CNN3: variants seen among roughly 807,000 people sequenced by gnomAD.
CNN3 encodes the protein calponin-3.
Under a neutral mutation model 39.0 loss-of-function variants are expected in CNN3, and 11 were observed. That is an observed-to-expected ratio of 0.28 (90% CI 0.18 to 0.47). The LOEUF (loss-of-function observed/expected upper bound fraction) is 0.47, where lower values mean the gene tolerates loss of function less well. Among genes scored for constraint, CNN3 ranks in the 20% least tolerant of loss-of-function variants. The probability of loss-of-function intolerance (pLI) is 0.99; values close to 1 mark genes in which losing one functional copy is unlikely to be tolerated. For synonymous variants in CNN3, 101 were observed against 138.3 expected, an observed-to-expected ratio of 0.73 and a Z score of 1.89; for missense variants, 266 against 403.4, an observed-to-expected ratio of 0.66 and a Z score of 2.92.
chr1:94,898,525 T>C (rs1352642422), intron 6 of CNN3, among the ~76,000 whole-genome samples: 2 of 152,152 alleles, frequency 1.3e-5, no homozygotes, highest in Admixed American at 6.5e-5. Flanking sequence ...ATTTATAATA[T>C]ATTCAACAGA....
At chr1:94,917,489 C>G (rs1261277855) in intron 1 of CNN3, among the ~76,000 whole-genome samples, 3 of 152,174 alleles carry the variant, frequency 2.0e-5, no homozygotes, top group Admixed American at 2.0e-4. Flanking sequence ...AATAAAGAAA[C>G]TAAAACAAGT....
chr1:94,898,207 G>A (rs1557906331), intron 6 of CNN3, 124 bp from the exon 7 acceptor site: 2 of 1,027,328 alleles, frequency 1.9e-6, no homozygotes, highest in Non-Finnish European at 2.8e-6. Flanking sequence ...TTTGGTTCAG[G>A]GGTAAAGCTA....
chr1:94,920,365 G>A (rs1671412896), intron 1 of CNN3, among the ~76,000 whole-genome samples: 1 of 152,178 alleles, frequency 6.6e-6, no homozygotes. Flanking sequence ...ATCTCAGGCA[G>A]ATACAAACAG....
At position 94,897,329 on chromosome 1, in the gene CNN3, A is replaced by G. The variant is rs1670748520; in HGVS notation, c.*413T>C. The G allele has an allele frequency of 6.3e-6, 1 of 157,494 alleles. No homozygotes were observed. The allele number at this position is 157,494 out of a possible 1,614,324, so 9.8% of individuals were successfully genotyped here. A position where few individuals can be genotyped will look rare whatever the true frequency, so the allele number is the denominator to read the frequency against. ...GCAAAGACCACATTTAGCAATAAGC[A>G]TGAGTTTAGTCTTCCATGTAGAAAC... is the stretch of plus-strand genomic sequence containing the variant. On this transcript the variant is annotated 3_prime_UTR_variant, in exon 7 of 7. Transcript: ENST00000370206.
At chr1:94,912,778 C>G (rs765853867) in intron 1 of CNN3, among the ~76,000 whole-genome samples, 1 of 152,194 alleles carries the variant, frequency 6.6e-6, no homozygotes, top group Non-Finnish European at 1.5e-5. Context: ...TTATGGGCGT[C>G]ACATCTCCTT....
chr1:94,917,976 T>C (rs1290114090), intron 1 of CNN3, among the ~76,000 whole-genome samples: 1 of 152,168 alleles, frequency 6.6e-6, no homozygotes, highest in Non-Finnish European at 1.5e-5. Flanking sequence ...CATCATTGGA[T>C]GCTCCCCTAT....
Position 94,922,509 on chromosome 1 carries a change from G to A in CNN3, c.57+4329C>T, listed in dbSNP as rs1671472565. On this transcript the variant is annotated intron_variant, in intron 1 of 6. Coordinates refer to ENST00000370206, the MANE Select transcript of CNN3 (RefSeq NM_001839.5). The stretch of plus-strand genomic sequence containing the variant: ...AATAAGAGAGCTTTATCTCTGGTGG[G>A]AAGAGACAGATAATAAGCAAACAAA... 2.6e-5 allele frequency among the ~76,000 whole-genome samples: 4 copies of A among 152,290 alleles called. No individual in the cohort carries two copies. In the South Asian group the frequency reaches 8.3e-4, roughly 32 times the overall value.
In CNN3 at chr1:94,926,754, C is replaced by T; in HGVS notation, c.57+84G>A. The T allele has an allele frequency of 7.0e-7, 1 of 1,437,658 alleles. No individual in the cohort carries two copies. The highest frequency in any genetic ancestry group is 2.5e-5 in the East Asian group (1 of 40,430). 89.1% of individuals were successfully genotyped at this position (1,437,658 alleles called of 1,614,324 possible). A position where few individuals can be genotyped will look rare whatever the true frequency, so the allele number is the denominator to read the frequency against. ...TCCAGGAAAACGGTGAGCCACAGCG[C>T]GAAGAGCAAACGAAGCACGGCCCAG... On this transcript the variant is annotated intron_variant, in intron 1 of 6. Coordinates refer to ENST00000370206, the MANE Select transcript of CNN3 (RefSeq NM_001839.5). This position sits in a 1 kb window ranked among gnomAD's most constrained non-coding sequence, Gnocchi z 4.2.
chr1:94,897,872 C>G lies in CNN3; in HGVS notation c.860G>C (p.Gly287Ala). Residue 287 changes from glycine (G) to alanine (A), a missense_variant, in exon 7 of 7, where the codon GGA (glycine) becomes GCA (alanine). By Grantham distance (60) the Gly-to-Ala change is moderately conservative. Transcript: ENST00000370206. Reference sequence around the variant, plus strand: ...GATTTCCGAACCATTTGTTCCTGTTCCTTGGCTTCCGTTGTGAATGACAGG... The same window carrying G: ...GATTTCCGAACCATTTGTTCCTGTTGCTTGGCTTCCGTTGTGAATGACAGG... Reference protein sequence around the residue: ...TEPVIHNGSQGTGTNGSEISD... With the variant: ...TEPVIHNGSQATGTNGSEISD... 1 of 1,614,132 alleles carries G rather than the reference C, an allele frequency of 6.2e-7. No homozygotes were observed. The highest frequency in any genetic ancestry group is 8.5e-7 in the Non-Finnish European group (1 of 1,180,000).
In CNN3 at chr1:94,897,498, T is replaced by C. The variant is rs3789700; in HGVS notation, c.*244A>G. On this transcript the variant is annotated 3_prime_UTR_variant, in exon 7 of 7. Coordinates refer to ENST00000370206, the MANE Select transcript of CNN3 (RefSeq NM_001839.5). ...ACAAGAGTACTCCCCTTTCACAGTATTCCTTTTTACTTCATATGCGAGTTA... is the reference window on the plus strand; with the variant it reads ...ACAAGAGTACTCCCCTTTCACAGTACTCCTTTTTACTTCATATGCGAGTTA... 130 of 436,350 alleles carry C rather than the reference T, an allele frequency of 3.0e-4. No homozygotes were observed. In the East Asian group the frequency reaches 4.4e-3, roughly 15 times the overall value. 27.0% of individuals were successfully genotyped at this position (436,350 alleles called of 1,614,324 possible).
At position 94,902,141 on chromosome 1, in the gene CNN3, G is replaced by T; in HGVS notation, c.364C>A (p.Leu122Met). 4 of 1,613,226 alleles carry T rather than the reference G, an allele frequency of 2.5e-6. No homozygotes were observed. The highest frequency in any genetic ancestry group is 3.4e-6 in the Non-Finnish European group (4 of 1,179,154). The change falls in exon 4 of 7, where the codon CTG becomes ATG. Residue 122 changes from leucine (L) to methionine (M), a missense_variant. Physicochemically the swap from Leu to Met is conservative, Grantham distance 15. Transcript: ENST00000370206. Reference sequence around the variant, plus strand: ...CGTACCAGACCTGCTAGAGCCACCAGAGTAGTCTGAACCTGGGTCATGTTT... The same window carrying T: ...CGTACCAGACCTGCTAGAGCCACCATAGTAGTCTGAACCTGGGTCATGTTT... ...NGNMTQVQTT[L>M]VALAGLAKTK...
In CNN3 at chr1:94,912,462, G is replaced by A. The variant is rs538609251; in HGVS notation, c.58-8938C>T. On this transcript the variant is annotated intron_variant, in intron 1 of 6. Coordinates refer to ENST00000370206, the MANE Select transcript of CNN3 (RefSeq NM_001839.5). The stretch of plus-strand genomic sequence containing the variant: ...CTATTACTGGCTGAAGAGCCCGGCA[G>A]GCGCCCTCCTAGAGTGGACTCTTGG... Among the ~76,000 whole-genome samples, 4 of 152,286 alleles carry A rather than the reference G, an allele frequency of 2.6e-5. No homozygotes were observed. The South Asian group carries it at 6.2e-4, about 24-fold the overall frequency.
chr1:94,907,613 C>T (rs955197314), intron 1 of CNN3, among the ~76,000 whole-genome samples: 2 of 152,222 alleles, frequency 1.3e-5, no homozygotes, highest in African/African-American at 2.4e-5. Context: ...GTAATCCCAG[C>T]ATTCTGGGAG....
chr1:94,902,540 C>A (rs1670895611), intron 3 of CNN3, among the ~76,000 whole-genome samples: 1 of 152,174 alleles, frequency 6.6e-6, no homozygotes, highest in African/African-American at 2.4e-5. Flanking sequence ...TAAAAGGATT[C>A]TGTATCAGAG....
chr1:94,898,816 C>T (rs1670789504), intron 6 of CNN3, among the ~76,000 whole-genome samples: 1 of 152,074 alleles, frequency 6.6e-6, no homozygotes, highest in African/African-American at 2.4e-5. Context: ...TTTTTCAAAC[C>T]CTATCCCAGC....
chr1:94,898,640 C>G (rs1670784518), intron 6 of CNN3, among the ~76,000 whole-genome samples: 1 of 152,186 alleles, frequency 6.6e-6, no homozygotes, highest in Non-Finnish European at 1.5e-5. Context: ...AGTACAGTAA[C>G]TCATACTTCA....
At chr1:94,907,662 C>T (rs1165763434) in intron 1 of CNN3, among the ~76,000 whole-genome samples, 1 of 152,140 alleles carries the variant, frequency 6.6e-6, no homozygotes, top group South Asian at 2.1e-4. Flanking sequence ...AGATCAAGAC[C>T]ATCCTGGCTA....
At chr1:94,922,732 C>T (rs1055544698) in intron 1 of CNN3, among the ~76,000 whole-genome samples, 3 of 152,158 alleles carry the variant, frequency 2.0e-5, no homozygotes, top group Non-Finnish European at 4.4e-5. Flanking sequence ...GCGTCTAAAG[C>T]GCACCCGGCA....
intron 1 of CNN3, among the ~76,000 whole-genome samples, chr1:94,919,062 G>C (rs117726212): frequency 3.9e-4 from 59 of 152,216 alleles, no homozygotes; most frequent in Admixed American, 5.9e-4. Flanking sequence ...GAAAAAGAAG[G>C]GGGGGAAGCT....
Sources: gnomAD v4.1 joint callset for allele counts (sites outside exome capture counted in the v4.1 genomes callset) on GRCh38, gnomAD v4.1.1 for gene constraint, Gnocchi (gnomAD v3.1) non-coding constraint, MANE v1.5 for transcripts, NCBI Gene and HGNC (gene_info 2026-07-23, HGNC 2026-07-21) for gene names.